The following KIF13A variants were observed in gnomAD, a reference collection of about 807,000 sequenced individuals.
KIF13A encodes the protein kinesin family member 13A, also known as kinesin-like protein KIF13A.
In KIF13A, 79 loss-of-function variants were observed where a neutral mutation model predicts 212.2. The observed-to-expected ratio is 0.37, with a 90% CI of 0.31 to 0.45. KIF13A has a LOEUF of 0.45. Among genes scored for constraint, KIF13A ranks in the 20% least tolerant of loss-of-function variants. The probability of loss-of-function intolerance (pLI) is 1.00; values close to 1 mark genes in which losing one functional copy is unlikely to be tolerated. For missense variants in KIF13A, 1,901 were observed against 2,209.0 expected (o/e 0.86, Z 2.79); for synonymous variants, 789 against 808.6 (o/e 0.98, Z 0.41).
intron 2 of KIF13A, among the ~76,000 whole-genome samples, chr6:17,938,132 T>C (rs150117414): frequency 2.6e-5 from 4 of 152,238 alleles, no homozygotes; most frequent in East Asian, 3.9e-4. Flanking sequence ...TGGCCTCAAG[T>C]GATCTTCTCA....
intron 4 of KIF13A, among the ~76,000 whole-genome samples, chr6:17,859,261 T>C (rs1046549921): frequency 6.6e-6 from 1 of 151,898 alleles, no homozygotes; most frequent in Non-Finnish European, 1.5e-5. Context: ...TATACTAAAA[T>C]TGCAAGAAAA....
intron 9 of KIF13A, among the ~76,000 whole-genome samples, chr6:17,845,119 A>T (rs1007413491): frequency 1.3e-5 from 2 of 152,170 alleles, no homozygotes; most frequent in African/African-American, 4.8e-5. Flanking sequence ...GGCAAGAGAG[A>T]GAATGGGAAC....
chr6:17,898,326 T>C lies in KIF13A; in HGVS notation c.147-146A>G. 1 of 762,848 alleles carries C rather than the reference T, an allele frequency of 1.3e-6. No individual in the cohort carries two copies. Among genetic ancestry groups the C allele is most frequent in the Non-Finnish European group, 2.1e-6 (1 of 474,740 alleles). 47.3% of individuals were successfully genotyped at this position (762,848 alleles called of 1,614,324 possible). On this transcript the variant is annotated intron_variant, in intron 2 of 38. Transcript: ENST00000259711. This position sits in a 1 kb window ranked among gnomAD's most constrained non-coding sequence, Gnocchi z 5.2. ...ATGATCTGAAAGATATTCTTCTTCA[T>C]GAAGATCAGAAGCCAAATTCAAACA... is the stretch of plus-strand genomic sequence containing the variant.
At chr6:17,970,016 G>A (rs550401566) in intron 2 of KIF13A, among the ~76,000 whole-genome samples, 2 of 151,512 alleles carry the variant, frequency 1.3e-5, no homozygotes, top group African/African-American at 4.8e-5. Flanking sequence ...TCTGCCTCCC[G>A]GGTTCACGCC....
chr6:17,937,671 T>C (rs1360219349), intron 2 of KIF13A, among the ~76,000 whole-genome samples: 1 of 152,130 alleles, frequency 6.6e-6, no homozygotes. Context: ...TATTGTCCAA[T>C]ATAAGAATGT....
Position 17,794,311 on chromosome 6 carries a change from C to A in KIF13A, c.3160G>T (p.Val1054Leu). Reference protein sequence around the residue: ...LPLMVEAILSVSIGCVTARST... With the variant: ...LPLMVEAILSLSIGCVTARST... ...CTGGCAGTTACACAGCCGATGGATA[C>A]TGACAGGATGGCTTCAACCATAAGT... The change falls in exon 25 of 39, where the codon GTA becomes TTA. Residue 1054 changes from valine (V) to leucine (L), a missense_variant. Coordinates refer to ENST00000259711, the MANE Select transcript of KIF13A (RefSeq NM_022113.6). This position sits in a 1 kb window ranked among gnomAD's most constrained non-coding sequence, Gnocchi z 4.1. 1 of 1,613,568 alleles carries A rather than the reference C, an allele frequency of 6.2e-7. No individual in the cohort carries two copies. Among genetic ancestry groups the A allele is most frequent in the South Asian group, 1.1e-5 (1 of 91,076 alleles).
At chr6:17,891,665 G>A (rs1772071335) in intron 3 of KIF13A, among the ~76,000 whole-genome samples, 2 of 152,252 alleles carry the variant, frequency 1.3e-5, no homozygotes, top group South Asian at 4.1e-4. Flanking sequence ...GGCTGAGGCA[G>A]GAGGATTGCT....
At chr6:17,861,710 C>T (rs1768803757) in intron 4 of KIF13A, among the ~76,000 whole-genome samples, 1 of 152,176 alleles carries the variant, frequency 6.6e-6, no homozygotes, top group African/African-American at 2.4e-5. Flanking sequence ...AGTAAGTTGA[C>T]TATTTAAGTC....
At position 17,797,242 on chromosome 6, in the gene KIF13A, G is replaced by A. The variant is rs990647086; in HGVS notation, c.2791-422C>T. Among the ~76,000 whole-genome samples, 4 of 151,904 alleles carry A rather than the reference G, an allele frequency of 2.6e-5. No individual in the cohort carries two copies. In the East Asian group the frequency reaches 7.8e-4, roughly 30 times the overall value. Reference sequence around the variant, plus strand: ...GACGGGGTTTCACCGTGTTAGCTACGATGGTCTCGATCTCCTGACCTCGTG... The same window carrying A: ...GACGGGGTTTCACCGTGTTAGCTACAATGGTCTCGATCTCCTGACCTCGTG... On this transcript the variant is annotated intron_variant, in intron 22 of 38. Coordinates refer to ENST00000259711, the MANE Select transcript of KIF13A (RefSeq NM_022113.6).
In KIF13A at chr6:17,898,308, G is replaced by T; in HGVS notation, c.147-128C>A. ...ATTCAGCACCTTGATAACATGATCT[G>T]AAAGATATTCTTCTTCATGAAGATC... On this transcript the variant is annotated intron_variant, in intron 2 of 38. Transcript: ENST00000259711. This position sits in a 1 kb window ranked among gnomAD's most constrained non-coding sequence, Gnocchi z 5.2. 1 of 818,718 alleles carries T rather than the reference G, an allele frequency of 1.2e-6. No individual in the cohort carries two copies. Among genetic ancestry groups the T allele is most frequent in the Non-Finnish European group, 1.9e-6 (1 of 514,328 alleles). The allele number at this position is 818,718 out of a possible 1,614,324, so 50.7% of individuals were successfully genotyped here.
At chr6:17,762,739 G>T (rs548191721), downstream of KIF13A, among the ~76,000 whole-genome samples, 3 of 152,212 alleles carry the variant, frequency 2.0e-5, no homozygotes, top group Non-Finnish European at 4.4e-5. Context: ...TGTATTGCTT[G>T]CAAGAATGGT....
intron 2 of KIF13A, among the ~76,000 whole-genome samples, chr6:17,929,178 C>T (rs1775772135): frequency 6.6e-6 from 1 of 151,020 alleles, no homozygotes; most frequent in Non-Finnish European, 1.5e-5. Flanking sequence ...AAACGAAATT[C>T]TTATCACCTG....
downstream of KIF13A, among the ~76,000 whole-genome samples, chr6:17,763,322 T>C (rs1251110600): frequency 6.6e-6 from 1 of 151,708 alleles, no homozygotes; most frequent in African/African-American, 2.4e-5. Context: ...ATAAAAAAAT[T>C]AGCCAGATGT....
At chr6:17,793,273 C>T (rs749431612) in intron 25 of KIF13A, among the ~76,000 whole-genome samples, 7 of 151,830 alleles carry the variant, frequency 4.6e-5, no homozygotes, top group Middle Eastern at 3.4e-3. Context: ...GTAGAGACGG[C>T]GTTTTGCCAT....
rs1761075976 is a variant in KIF13A at position 17,786,587 on chromosome 6, G to A, written c.3362-946C>T. ...TGCACTCCAGCCTGGGCGACAGAGG[G>A]AGACTCCATCTCAAAAATAAAAATA... On this transcript the variant is annotated intron_variant, in intron 27 of 38. Transcript: ENST00000259711. This position sits in a 1 kb window ranked among gnomAD's most constrained non-coding sequence, Gnocchi z 5.4. Among the ~76,000 whole-genome samples, 1 of 151,928 alleles carries A rather than the reference G, an allele frequency of 6.6e-6. No individual in the cohort carries two copies. Among genetic ancestry groups the A allele is most frequent in the African/African-American group, 2.4e-5 (1 of 41,336 alleles).
intron 2 of KIF13A, among the ~76,000 whole-genome samples, chr6:17,942,106 G>A (rs549702082): frequency 6.6e-6 from 1 of 152,028 alleles, no homozygotes; most frequent in South Asian, 2.1e-4. Flanking sequence ...TTCAAGACCA[G>A]CCTGGACAAC....
chr6:17,978,424 T>C (rs775160898), intron 2 of KIF13A, among the ~76,000 whole-genome samples: 2 of 152,130 alleles, frequency 1.3e-5, no homozygotes, highest in Non-Finnish European at 2.9e-5. Context: ...ATAAATCAAC[T>C]CTTGTTTTAA....
At chr6:17,800,617 T>C (rs530300446) in intron 20 of KIF13A, among the ~76,000 whole-genome samples, 1 of 149,828 alleles carries the variant, frequency 6.7e-6, no homozygotes, top group Admixed American at 6.7e-5. Context: ...TTTTTTTTTT[T>C]TGAGACAATG....
chr6:17,962,024 T>C (rs1778854857), intron 2 of KIF13A, among the ~76,000 whole-genome samples: 1 of 152,180 alleles, frequency 6.6e-6, no homozygotes, highest in Non-Finnish European at 1.5e-5. Flanking sequence ...GTATTTTAGG[T>C]GCACTGAAAA....
Sources: allele counts gnomAD v4.1 joint callset (sites outside exome capture counted in the v4.1 genomes callset), GRCh38; gene constraint gnomAD v4.1.1; non-coding constraint Gnocchi (gnomAD v3.1); transcripts MANE v1.5; gene names NCBI Gene and HGNC (gene_info 2026-07-23, HGNC 2026-07-21).